Variants in EIF2AK2 observed in about 807,000 individuals in gnomAD.
EIF2AK2 encodes the protein interferon-induced, double-stranded RNA-activated protein kinase.
Under a neutral mutation model 70.5 loss-of-function variants are expected in EIF2AK2, and 40 were observed. The observed-to-expected ratio is 0.57, with a 90% CI of 0.44 to 0.74. The LOEUF is 0.74. Among genes scored for constraint, EIF2AK2 ranks in the 30% least tolerant of loss-of-function variants. The pLI is 0.00. For missense variants in EIF2AK2, 555 were observed against 644.3 expected (o/e 0.86, Z 1.50); for synonymous variants, 198 against 220.9 (o/e 0.90, Z 0.92).
At position 37,137,021 on chromosome 2, in the gene EIF2AK2, T is replaced by C. The variant is rs776321822; in HGVS notation, c.688-4A>G. ...TTTGATTATTTCTGAGACCATTCTATAACAAAAGAAAATGAGAAATAGTTT... is the reference window on the plus strand; with the variant it reads ...TTTGATTATTTCTGAGACCATTCTACAACAAAAGAAAATGAGAAATAGTTT... On this transcript the variant is annotated splice_polypyrimidine_tract_variant and splice_region_variant and intron_variant, in intron 8 of 16. Transcript: ENST00000233057. 25 of 1,602,160 alleles carry C rather than the reference T, an allele frequency of 1.6e-5. No homozygotes were observed. The highest frequency in any genetic ancestry group is 1.5e-4 in the South Asian group (13 of 88,998).
Position 37,101,499 on chromosome 2 carries a change from A to G in EIF2AK2, c.*5774T>C, listed in dbSNP as rs1673824889. Reference sequence around the variant, plus strand: ...TCATTGATCAATATTAAAATCACTGAAAGTGGAACAATCAGACATCATGTT... The same window carrying G: ...TCATTGATCAATATTAAAATCACTGGAAGTGGAACAATCAGACATCATGTT... On this transcript the variant is annotated 3_prime_UTR_variant, in exon 17 of 17. Coordinates refer to ENST00000233057, the MANE Select transcript of EIF2AK2 (RefSeq NM_001135651.3). The G allele has an allele frequency of 6.6e-6, 1 of 152,240 alleles. No homozygotes were observed. Among genetic ancestry groups the G allele is most frequent in the South Asian group, 2.1e-4 (1 of 4,830 alleles). The allele number at this position is 152,240 out of a possible 1,614,324, so 9.4% of individuals were successfully genotyped here. A position where few individuals can be genotyped will look rare whatever the true frequency, so the allele number is the denominator to read the frequency against.
At chr2:37,144,628 G>A (rs1315534817) in intron 4 of EIF2AK2, among the ~76,000 whole-genome samples, 2 of 151,530 alleles carry the variant, frequency 1.3e-5, no homozygotes, top group African/African-American at 4.9e-5. Context: ...CTGTTGCCCA[G>A]GCTGGAGTGC....
intron 4 of EIF2AK2, 112 bp downstream of exon 4, chr2:37,146,741 T>C (rs1675553157): frequency 1.5e-6 from 2 of 1,346,606 alleles, no homozygotes; most frequent in Admixed American, 2.3e-5. Context: ...AACTCTTGAA[T>C]GTAAGGGAAC....
At chr2:37,156,582 G>A (rs1675937413) in intron 1 of EIF2AK2, among the ~76,000 whole-genome samples, 2 of 152,192 alleles carry the variant, frequency 1.3e-5, no homozygotes. Flanking sequence ...TCTTCCACTA[G>A]ACCCCGCCCC....
chr2:37,129,526 C>T (rs968490460), intron 10 of EIF2AK2, among the ~76,000 whole-genome samples: 1 of 152,106 alleles, frequency 6.6e-6, no homozygotes, highest in Admixed American at 6.6e-5. Flanking sequence ...CCTTCGCCCC[C>T]ACATCTAGTG....
chr2:37,148,092 C>T (rs772189975), intron 2 of EIF2AK2, among the ~76,000 whole-genome samples: 2 of 152,094 alleles, frequency 1.3e-5, no homozygotes, highest in Admixed American at 6.6e-5. Context: ...CCAAGGTGGG[C>T]GGATCACCTG....
chr2:37,142,905 C>G (rs555483186), intron 4 of EIF2AK2, among the ~76,000 whole-genome samples: 1 of 152,044 alleles, frequency 6.6e-6, no homozygotes, highest in African/African-American at 2.4e-5. Flanking sequence ...AAATTCTTTC[C>G]TCATCTCTGG....
At chr2:37,139,848 T>C (rs1675267891) in intron 5 of EIF2AK2, 91 bp from the exon 6 acceptor site, 1 of 1,309,138 alleles carries the variant, frequency 7.6e-7, no homozygotes, top group Admixed American at 2.4e-5. Context: ...TTAACAGAGA[T>C]CTTAAGATAA....
chr2:37,138,201 G>T, intron 8 of EIF2AK2, 69 bp downstream of exon 8: 2 of 1,219,710 alleles, frequency 1.6e-6, no homozygotes, highest in East Asian at 4.8e-5. Flanking sequence ...AATACTGGAA[G>T]TTATTTTTAA....
At chr2:37,147,038 C>A in intron 3 of EIF2AK2, 65 bp from the exon 4 acceptor site, 2 of 1,457,334 alleles carry the variant, frequency 1.4e-6, no homozygotes. Context: ...AACAAGTACT[C>A]TAGTCATCAC....
chr2:37,152,446 C>T (rs1386098359), intron 1 of EIF2AK2, among the ~76,000 whole-genome samples: 1 of 152,092 alleles, frequency 6.6e-6, no homozygotes. Context: ...CCCACCACCA[C>T]GCCCAGCTAA....
chr2:37,141,430 T>C, intron 5 of EIF2AK2, 123 bp downstream of exon 5: 1 of 1,163,850 alleles, frequency 8.6e-7, no homozygotes. Flanking sequence ...TTATCAATCA[T>C]GTAAAACCTT....
intron 6 of EIF2AK2, among the ~76,000 whole-genome samples, chr2:37,138,842 T>C (rs982097577): frequency 1.3e-5 from 2 of 152,128 alleles, no homozygotes; most frequent in African/African-American, 2.4e-5. Flanking sequence ...GTTGTCTAGG[T>C]TGAAGTGCAG....
At chr2:37,141,745 G>T (rs1375901209) in intron 4 of EIF2AK2, 44 bp from the exon 5 acceptor site, 1 of 1,525,092 alleles carries the variant, frequency 6.6e-7, no homozygotes. Context: ...TGACAACAAA[G>T]ATTTAACCTT....
intron 10 of EIF2AK2, among the ~76,000 whole-genome samples, chr2:37,131,176 T>C (rs957572434): frequency 2.0e-5 from 3 of 152,200 alleles, no homozygotes; most frequent in African/African-American, 7.2e-5. Context: ...CAGACCTTTA[T>C]CATGCTTTCT....
At chr2:37,144,589 CT>C (rs199752511) in intron 4 of EIF2AK2, among the ~76,000 whole-genome samples, 229 of 144,114 alleles carry the variant, frequency 1.6e-3, no homozygotes, top group Admixed American at 1.7e-3. Flanking sequence ...TTTTTTCTTT[CT>C]TTTTTTTTTT....
chr2:37,146,425 G>C (rs933586210), intron 4 of EIF2AK2, among the ~76,000 whole-genome samples: 1 of 152,168 alleles, frequency 6.6e-6, no homozygotes, highest in African/African-American at 2.4e-5. Flanking sequence ...GGCATCCACA[G>C]GGAGTCCTGG....
At chr2:37,150,469 T>A (rs1675703776) in intron 1 of EIF2AK2, among the ~76,000 whole-genome samples, 2 of 152,172 alleles carry the variant, frequency 1.3e-5, no homozygotes, top group Non-Finnish European at 2.9e-5. Flanking sequence ...ACCTTAAGAG[T>A]TTTAATATTT....
At chr2:37,110,927 G>C (rs1674120586) in intron 14 of EIF2AK2, among the ~76,000 whole-genome samples, 2 of 152,166 alleles carry the variant, frequency 1.3e-5, no homozygotes, top group African/African-American at 4.8e-5. Context: ...ATGGATAAAA[G>C]GACAAACAAA....
Sources: gnomAD v4.1 joint callset for allele counts (sites outside exome capture counted in the v4.1 genomes callset) on GRCh38, gnomAD v4.1.1 for gene constraint, MANE v1.5 for transcripts, NCBI Gene and HGNC (gene_info 2026-07-23, HGNC 2026-07-21) for gene names.